The following CTNND2 variants were observed in gnomAD, a reference collection of about 807,000 sequenced individuals.
CTNND2 encodes the protein catenin delta-2.
Under a neutral mutation model 144.4 loss-of-function variants are expected in CTNND2, and 22 were observed. The observed-to-expected ratio is 0.15, with a 90% CI of 0.11 to 0.22. CTNND2 has a LOEUF of 0.22. CTNND2 is among the 10% of genes least tolerant of loss of function. The probability of loss-of-function intolerance (pLI) is 1.00; values close to 1 mark genes in which losing one functional copy is unlikely to be tolerated. For missense variants in CTNND2, 1,353 were observed against 1,618.8 expected (o/e 0.84, Z 2.82); for synonymous variants, 751 against 695.6 (o/e 1.08, Z -1.25).
At chr5:11,525,035 A>G (rs1391457652) in intron 3 of CTNND2, among the ~76,000 whole-genome samples, 1 of 152,216 alleles carries the variant, frequency 6.6e-6, no homozygotes, top group East Asian at 1.9e-4. Context: ...TTAGAAAAGC[A>G]GGCTGTCTGA....
chr5:11,344,696 T>C (rs970270030), intron 9 of CTNND2, among the ~76,000 whole-genome samples: 3 of 152,112 alleles, frequency 2.0e-5, no homozygotes, highest in East Asian at 1.9e-4. Context: ...TTCTAACCCT[T>C]CTTATTGGTG....
chr5:11,896,782 T>C (rs1409339958), intron 1 of CTNND2, among the ~76,000 whole-genome samples: 1 of 152,154 alleles, frequency 6.6e-6, no homozygotes, highest in African/African-American at 2.4e-5. Flanking sequence ...AATATAGTTA[T>C]TTGCCTTGAT....
In CTNND2 at chr5:11,018,036, C is replaced by A; in HGVS notation, c.3022G>T (p.Ala1008Ser). Residue 1008 changes from alanine to serine, a missense_variant, in exon 18 of 22, where the codon GCT (alanine) becomes TCT (serine). Ala to Ser is a moderately conservative substitution (Grantham distance 99). Transcript: ENST00000304623. ...GDKHSPKVVKAASQVLNSMWQ... is the reference protein window; with the variant it reads ...GDKHSPKVVKSASQVLNSMWQ... ...ATGCTGTTGAGGACCTGAGATGCAG[C>A]CTTGACCACTTTTGGAGAGTGTCTG... 4.3e-6 allele frequency: 7 copies of A among 1,613,346 alleles called. No homozygotes were observed. The highest frequency in any genetic ancestry group is 5.9e-6 in the Non-Finnish European group (7 of 1,179,420).
chr5:11,377,357 T>C (rs1758043738), intron 7 of CTNND2, among the ~76,000 whole-genome samples: 1 of 152,152 alleles, frequency 6.6e-6, no homozygotes, highest in Admixed American at 6.5e-5. Context: ...GCCCAGCCTC[T>C]GTGTTTTGTC....
chr5:11,119,240 G>T (rs779738712), intron 12 of CTNND2, among the ~76,000 whole-genome samples: 1 of 152,166 alleles, frequency 6.6e-6, no homozygotes, highest in Non-Finnish European at 1.5e-5. Flanking sequence ...ATGTTAAAAT[G>T]CTACTGAACA....
At chr5:11,132,790 T>A (rs1252610738) in intron 12 of CTNND2, among the ~76,000 whole-genome samples, 1 of 152,148 alleles carries the variant, frequency 6.6e-6, no homozygotes, top group Non-Finnish European at 1.5e-5. Flanking sequence ...TCAAAATAGC[T>A]TAATCCCCAT....
At chr5:11,271,208 T>C (rs1273579649) in intron 9 of CTNND2, among the ~76,000 whole-genome samples, 1 of 152,192 alleles carries the variant, frequency 6.6e-6, no homozygotes, top group Non-Finnish European at 1.5e-5. Flanking sequence ...ATTATTATTC[T>C]ACAAACACTG....
intron 8 of CTNND2, among the ~76,000 whole-genome samples, chr5:11,350,777 G>T (rs1241861084): frequency 1.3e-5 from 2 of 152,148 alleles, no homozygotes; most frequent in Non-Finnish European, 2.9e-5. Flanking sequence ...GAAAATGTAT[G>T]AGAATCTAAT....
At chr5:11,470,954 GTATATATATATATATATA>G (rs71595821) in intron 3 of CTNND2, among the ~76,000 whole-genome samples, 1 of 63,244 alleles carries the variant, frequency 1.6e-5, no homozygotes, top group East Asian at 3.0e-4. Context: ...TTGATACAAA[GTATATATATATATATATA>G]TATATATATT....
At chr5:11,076,858 T>C (rs956209494) in intron 16 of CTNND2, among the ~76,000 whole-genome samples, 25 of 152,184 alleles carry the variant, frequency 1.6e-4, no homozygotes, top group African/African-American at 6.0e-4. Context: ...AACCTCTCAT[T>C]AAAAGAATGA....
chr5:11,856,097 C>T (rs1582012504), intron 1 of CTNND2, among the ~76,000 whole-genome samples: 1 of 152,310 alleles, frequency 6.6e-6, no homozygotes, highest in East Asian at 1.9e-4. Context: ...TATCTATAAG[C>T]CACCATGCCA....
chr5:11,641,826 ATATGTG>A (rs1782067811), intron 2 of CTNND2, among the ~76,000 whole-genome samples: 2 of 133,690 alleles, frequency 1.5e-5, no homozygotes, highest in Middle Eastern at 3.7e-3. Flanking sequence ...ACATATACGT[ATATGTG>A]TATGTATGTA....
At chr5:11,583,707 G>A (rs1404398734) in intron 2 of CTNND2, among the ~76,000 whole-genome samples, 1 of 152,130 alleles carries the variant, frequency 6.6e-6, no homozygotes, top group African/African-American at 2.4e-5. Context: ...AAACAGAGAG[G>A]TCAGGTTTAT....
intron 2 of CTNND2, among the ~76,000 whole-genome samples, chr5:11,632,527 A>G (rs1781461671): frequency 6.6e-6 from 1 of 152,188 alleles, no homozygotes; most frequent in Non-Finnish European, 1.5e-5. Context: ...GCTTCAATAC[A>G]TTATCTAAAA....
intron 10 of CTNND2, among the ~76,000 whole-genome samples, chr5:11,206,402 T>G (rs1201724187): frequency 6.6e-6 from 1 of 152,214 alleles, no homozygotes; most frequent in African/African-American, 2.4e-5. Flanking sequence ...TCAACTTTAC[T>G]CATTAAGTGC....
chr5:11,490,811 A>G (rs918188061), intron 3 of CTNND2, among the ~76,000 whole-genome samples: 2 of 152,178 alleles, frequency 1.3e-5, no homozygotes, highest in African/African-American at 2.4e-5. Context: ...AAAATATGCC[A>G]AATAATTGCT....
At chr5:10,992,330 T>C (rs1738774909) in intron 19 of CTNND2, among the ~76,000 whole-genome samples, 3 of 152,354 alleles carry the variant, frequency 2.0e-5, no homozygotes, top group Middle Eastern at 3.4e-3. Flanking sequence ...TACGTGCATG[T>C]CATGCATAAG....
chr5:11,690,200 A>C (rs1784830645), intron 2 of CTNND2, among the ~76,000 whole-genome samples: 1 of 152,268 alleles, frequency 6.6e-6, no homozygotes, highest in African/African-American at 2.4e-5. Context: ...AGAGAATAGA[A>C]TCCAATGTAT....
At chr5:11,298,043 G>A (rs1749201795) in intron 9 of CTNND2, among the ~76,000 whole-genome samples, 1 of 152,130 alleles carries the variant, frequency 6.6e-6, no homozygotes, top group Non-Finnish European at 1.5e-5. Context: ...ACATTTCAAA[G>A]TTAGTAAATT....
Sources: allele counts gnomAD v4.1 joint callset (sites outside exome capture counted in the v4.1 genomes callset), GRCh38; gene constraint gnomAD v4.1.1; transcripts MANE v1.5; gene names NCBI Gene and HGNC (gene_info 2026-07-23, HGNC 2026-07-21).